PAPSS1: variants seen among roughly 807,000 people sequenced by gnomAD.
PAPSS1 encodes the protein 3'-phosphoadenosine 5'-phosphosulfate synthase 1, also known as bifunctional 3'-phosphoadenosine 5'-phosphosulfate synthase 1.
In PAPSS1, 50 loss-of-function variants were observed where a neutral mutation model predicts 72.0. The ratio of observed to expected loss-of-function variants is 0.69; its 90% CI spans 0.55 to 0.88. The LOEUF (loss-of-function observed/expected upper bound fraction) is 0.88, where lower values mean the gene tolerates loss of function less well. PAPSS1 is among the 40% of genes least tolerant of loss of function. PAPSS1 has a pLI of 0.00. For missense variants in PAPSS1, 657 were observed against 782.2 expected, an observed-to-expected ratio of 0.84 and a Z score of 1.91; for synonymous variants, 261 against 263.6, an observed-to-expected ratio of 0.99 and a Z score of 0.09.
intron 9 of PAPSS1, among the ~76,000 whole-genome samples, chr4:107,652,493 G>A (rs1228703132): frequency 6.6e-6 from 1 of 152,126 alleles, no homozygotes; most frequent in Non-Finnish European, 1.5e-5. Flanking sequence ...GTATTATAAA[G>A]AACAGCATCT....
chr4:107,621,918 G>A (rs561967751), intron 11 of PAPSS1, among the ~76,000 whole-genome samples: 29 of 152,004 alleles, frequency 1.9e-4, no homozygotes, highest in African/African-American at 6.3e-4. Flanking sequence ...GTGAGCCACC[G>A]CGCCCAGCCG....
intron 11 of PAPSS1, among the ~76,000 whole-genome samples, chr4:107,620,453 C>T (rs1364475427): frequency 6.6e-6 from 1 of 152,148 alleles, no homozygotes; most frequent in Non-Finnish European, 1.5e-5. Flanking sequence ...AATTGAAAGA[C>T]ATGAAAAATT....
chr4:107,632,463 C>G (rs771095187), intron 10 of PAPSS1, among the ~76,000 whole-genome samples: 1 of 151,128 alleles, frequency 6.6e-6, no homozygotes, highest in Non-Finnish European at 1.5e-5. Flanking sequence ...CTGAGAAAAT[C>G]GTATAACTAA....
intron 10 of PAPSS1, among the ~76,000 whole-genome samples, chr4:107,643,652 G>T (rs967068169): frequency 2.6e-5 from 4 of 152,116 alleles, no homozygotes; most frequent in African/African-American, 9.7e-5. Flanking sequence ...TGAGGGTACC[G>T]ATGACTCCTA....
chr4:107,679,305 A>T (rs1727739906), intron 5 of PAPSS1, among the ~76,000 whole-genome samples: 1 of 152,152 alleles, frequency 6.6e-6, no homozygotes, highest in Non-Finnish European at 1.5e-5. Flanking sequence ...ACTGAGGATG[A>T]AGCAGGAACA....
chr4:107,692,783 T>TATATATATATAC (rs1355258561), intron 3 of PAPSS1, among the ~76,000 whole-genome samples: 1 of 151,722 alleles, frequency 6.6e-6, no homozygotes, highest in African/African-American at 2.4e-5. Context: ...GGTGTGTATA[T>TATATATATATAC]ATATATATAT....
intron 4 of PAPSS1, among the ~76,000 whole-genome samples, chr4:107,685,758 G>A (rs1413899746): frequency 6.6e-6 from 1 of 152,120 alleles, no homozygotes. Context: ...AGCATTCCCA[G>A]GTTCAAATAC....
rs3733633 is a variant in PAPSS1 at position 107,654,833 on chromosome 4, G to A, written c.963C>T (p.Asp321=). Residue 321 remains aspartate (D), a synonymous_variant, in exon 8 of 12, where the codon GAC becomes GAT. Transcript: ENST00000265174. ...TATHEDKERL[D]GCTAFALMYE... is the part of the protein sequence containing the mutation. ...ACATCAGAGCAAATGCTGTACAGCCGTCCAGCCTCTCTTTATCTTCATGAG... is the reference window on the plus strand; with the variant it reads ...ACATCAGAGCAAATGCTGTACAGCCATCCAGCCTCTCTTTATCTTCATGAG... 363,450 of 1,613,160 alleles carry A rather than the reference G, an allele frequency of 0.23. 42,426 individuals carry two copies. The highest frequency in any genetic ancestry group is 0.38 in the East Asian group (17,100 of 44,832).
chr4:107,660,880 G>T (rs556276083), intron 5 of PAPSS1, among the ~76,000 whole-genome samples: 1 of 152,138 alleles, frequency 6.6e-6, no homozygotes, highest in Non-Finnish European at 1.5e-5. Context: ...CCAATACTTT[G>T]TTATTCAAAA....
Position 107,654,702 on chromosome 4 carries a change from T to A in PAPSS1, c.1094A>T (p.Tyr365Phe). The change falls in exon 8 of 12, where the codon TAT (tyrosine) becomes TTT (phenylalanine). Residue 365 changes from tyrosine (Y) to phenylalanine (F), a missense_variant. Physicochemically the swap from Tyr to Phe is conservative, Grantham distance 22. Coordinates refer to ENST00000265174, the MANE Select transcript of PAPSS1 (RefSeq NM_005443.5). ...GCGAGGTTTTTTCAGCACCTTAATATAGGGGTGGTTCTTGCATGTCGTTCC... is the reference window on the plus strand; with the variant it reads ...GCGAGGTTTTTTCAGCACCTTAATAAAGGGGTGGTTCTTGCATGTCGTTCC... ...QWGTTCKNHP[Y>F]IKMVMEQGDW... is the part of the protein sequence containing the mutation. 6.2e-7 allele frequency: 1 copy of A among 1,612,374 alleles called. No homozygotes were observed. The highest frequency in any genetic ancestry group is 2.2e-5 in the East Asian group (1 of 44,874).
At chr4:107,621,608 C>CTTTTTTTGT (rs1725956643) in intron 11 of PAPSS1, among the ~76,000 whole-genome samples, 1 of 48,148 alleles carries the variant, frequency 2.1e-5, no homozygotes, top group Non-Finnish European at 3.9e-5. Context: ...GGTTTTTTAT[C>CTTTTTTTGT]TTTTTTTTTT....
intron 5 of PAPSS1, among the ~76,000 whole-genome samples, chr4:107,660,771 ATGTGT>A (rs1458310109): frequency 2.6e-5 from 4 of 152,150 alleles, no homozygotes; most frequent in Non-Finnish European, 4.4e-5. Flanking sequence ...TAATTACTAA[ATGTGT>A]TTAATCACTT....
chr4:107,667,656 A>C (rs1375604399), intron 5 of PAPSS1, among the ~76,000 whole-genome samples: 3 of 152,226 alleles, frequency 2.0e-5, no homozygotes, highest in Admixed American at 6.5e-5. Context: ...TACAAAACTA[A>C]GCTTGAAGAG....
At chr4:107,689,208 A>G (rs748350167) in intron 3 of PAPSS1, among the ~76,000 whole-genome samples, 1 of 152,182 alleles carries the variant, frequency 6.6e-6, no homozygotes, top group African/African-American at 2.4e-5. Flanking sequence ...ACTCTCTGCC[A>G]CTACTGGGGT....
intron 11 of PAPSS1, among the ~76,000 whole-genome samples, chr4:107,619,126 G>A (rs1270408546): frequency 2.0e-5 from 3 of 152,158 alleles, no homozygotes; most frequent in South Asian, 2.1e-4. Flanking sequence ...TGAAAAAGAA[G>A]ACAGCAGCTT....
chr4:107,666,079 C>T (rs769751228), intron 5 of PAPSS1, among the ~76,000 whole-genome samples: 2 of 152,304 alleles, frequency 1.3e-5, no homozygotes, highest in Admixed American at 1.3e-4. Flanking sequence ...GCATCCAAAG[C>T]ATGAACACCA....
intron 10 of PAPSS1, among the ~76,000 whole-genome samples, chr4:107,638,371 C>T (rs1726443017): frequency 1.3e-5 from 2 of 152,188 alleles, no homozygotes; most frequent in African/African-American, 4.8e-5. Flanking sequence ...ACAAGATACA[C>T]AGAATTTCCC....
chr4:107,643,295 C>G (rs1176137463), intron 10 of PAPSS1, among the ~76,000 whole-genome samples: 1 of 152,218 alleles, frequency 6.6e-6, no homozygotes, highest in Non-Finnish European at 1.5e-5. Context: ...CGCTCAGAAA[C>G]TGCTTCTGTT....
chr4:107,636,835 A>G (rs1726398557), intron 10 of PAPSS1, among the ~76,000 whole-genome samples: 1 of 152,234 alleles, frequency 6.6e-6, no homozygotes, highest in African/African-American at 2.4e-5. Context: ...AATAACTGTA[A>G]TTAAAATAAA....
Sources: gnomAD v4.1 joint callset for allele counts (sites outside exome capture counted in the v4.1 genomes callset) on GRCh38, gnomAD v4.1.1 for gene constraint, MANE v1.5 for transcripts, NCBI Gene and HGNC (gene_info 2026-07-23, HGNC 2026-07-21) for gene names.